The following FBXO24 variants were observed in gnomAD, a reference collection of about 807,000 sequenced individuals.
FBXO24 encodes F-box protein 24, also known as F-box only protein 24.
A neutral mutation model predicts 63.5 loss-of-function variants in FBXO24; 30 were observed. The observed-to-expected ratio is 0.47, with a 90% CI of 0.35 to 0.64. The LOEUF is 0.64. FBXO24 is among the 30% of genes least tolerant of loss of function. The pLI is 0.00. For missense variants in FBXO24, 624 were observed against 763.4 expected, an observed-to-expected ratio of 0.82 and a Z score of 2.15; for synonymous variants, 300 against 305.0, an observed-to-expected ratio of 0.98 and a Z score of 0.17.
chr7:100,586,726 C>T (rs760577909), intron 1 of FBXO24, 62 bp downstream of exon 1: 2 of 1,580,454 alleles, frequency 1.3e-6, no homozygotes, highest in Non-Finnish European at 1.7e-6. Context: ...CGGCCGGGAA[C>T]GCAGTTCGCC....
At chr7:100,593,102 CA>C in intron 5 of FBXO24, 85 bp downstream of exon 5, 2 of 1,145,290 alleles carry the variant, frequency 1.7e-6, no homozygotes, top group Admixed American at 2.0e-5. Context: ...GGAGGCCCCT[CA>C]GACTGGGTTC....
At position 100,600,394 on chromosome 7, in the gene FBXO24, C is replaced by T. The variant is rs1802536175; in HGVS notation, c.1378-140C>T. The T allele has an allele frequency of 2.7e-6, 4 of 1,471,504 alleles. No individual in the cohort carries two copies. In the East Asian group the frequency reaches 6.9e-5, roughly 25 times the overall value. 91.2% of individuals were successfully genotyped at this position (1,471,504 alleles called of 1,614,324 possible). On this transcript the variant is annotated intron_variant, in intron 9 of 9. Coordinates refer to ENST00000241071, the MANE Select transcript of FBXO24 (RefSeq NM_033506.3). This position sits in a 1 kb window ranked among gnomAD's most constrained non-coding sequence, Gnocchi z 6.3. The stretch of plus-strand genomic sequence containing the variant: ...AGCAGACTGTGCTGGCCTTGCCCAA[C>T]CTCACACACCCCTGGGACTTAGCCG...
At chr7:100,599,975 C>T (rs933661699) in intron 8 of FBXO24, 56 bp from the exon 9 acceptor site, 5 of 1,433,748 alleles carry the variant, frequency 3.5e-6, no homozygotes. Context: ...TTTCCCACCC[C>T]AGCCCCCCCG....
At chr7:100,588,120 G>A (rs1801843941) in intron 1 of FBXO24, among the ~76,000 whole-genome samples, 1 of 151,888 alleles carries the variant, frequency 6.6e-6, no homozygotes, top group Admixed American at 6.6e-5. Context: ...CTCAAGCAAT[G>A]CTCCCACCTC....
chr7:100,590,523 C>T (rs529442983), intron 3 of FBXO24, among the ~76,000 whole-genome samples, 166 bp downstream of exon 3: 1 of 152,320 alleles, frequency 6.6e-6, no homozygotes, highest in South Asian at 2.1e-4. Context: ...GTACTTCCTC[C>T]AAGTCTTCGG....
rs1337054270 is a variant in FBXO24 at position 100,600,954 on chromosome 7, A to T, written c.*55A>T. The T allele has an allele frequency of 1.9e-6, 3 of 1,566,030 alleles. No homozygotes were observed. In the South Asian group the frequency reaches 3.6e-5, roughly 19 times the overall value. ...GAGGGAGTCCGGCCCCAGGCCAGGG[A>T]CTAAGGAGCAATGACCATTGTGCAC... On this transcript the variant is annotated 3_prime_UTR_variant, in exon 10 of 10. Coordinates refer to ENST00000241071, the MANE Select transcript of FBXO24 (RefSeq NM_033506.3). The surrounding 1 kb of genome is among the most constrained non-coding windows in gnomAD (Gnocchi z 6.3).
intron 8 of FBXO24, 43 bp downstream of exon 8, chr7:100,595,749 C>T (rs1398790376): frequency 3.9e-6 from 6 of 1,537,366 alleles, no homozygotes; most frequent in South Asian, 3.8e-5. Flanking sequence ...CCCCTTTCCT[C>T]CAATTCCCTA....
At chr7:100,592,288 T>TAG (rs1164447115) in intron 4 of FBXO24, 1 of 247,684 alleles carries the variant, frequency 4.0e-6, no homozygotes, top group African/African-American at 2.3e-5. Flanking sequence ...TGAGACCGGG[T>TAG]AATTTATAAG....
intron 7 of FBXO24, 127 bp from the exon 8 acceptor site, chr7:100,595,448 C>T: frequency 1.5e-6 from 2 of 1,291,402 alleles, no homozygotes; most frequent in Non-Finnish European, 2.1e-6. Context: ...AGTGAGATCC[C>T]ATCTCTAAAA....
In FBXO24 at chr7:100,600,676, G is replaced by C. The variant is rs1802559818; in HGVS notation, c.1520G>C (p.Arg507Thr). 1.2e-6 allele frequency: 2 copies of C among 1,613,988 alleles called. No homozygotes were observed. The highest frequency in any genetic ancestry group is 1.7e-5 in the Admixed American group (1 of 59,992). The change falls in exon 10 of 10, where the codon AGA becomes ACA. Residue 507 changes from arginine (R) to threonine (T), a missense_variant. Around this residue, in one of 3 missense-constraint regions of FBXO24, gnomAD observed 216 missense variants for 245.2 expected, o/e 0.88. Coordinates refer to ENST00000241071, the MANE Select transcript of FBXO24 (RefSeq NM_033506.3). The surrounding 1 kb of genome is among the most constrained non-coding windows in gnomAD (Gnocchi z 6.3). ...ACTCCTGAGCCCAGCCTGGGGGCCA[G>C]AGCACCCCAGGACCCCGGGGGGATG... is the stretch of plus-strand genomic sequence containing the variant. ...VGTPEPSLGA[R>T]APQDPGGMAQ...
At position 100,590,068 on chromosome 7, in the gene FBXO24, C is replaced by A. The variant is rs781206122; in HGVS notation, c.131C>A (p.Pro44Gln). ...CCGATTTCCATCCAGTTGTTCCCCC[C>A]AGAGCTGGTGAGTCCTTGGGGAGGG... is the stretch of plus-strand genomic sequence containing the variant. ...GNPISIQLFP[P>Q]ELVEHIISFL... Residue 44 changes from proline (P) to glutamine (Q), a missense_variant, in exon 2 of 10, where the codon CCA becomes CAA. Around this residue, in one of 3 missense-constraint regions of FBXO24, gnomAD observed 391 missense variants for 469.1 expected, o/e 0.83. Transcript: ENST00000241071. 18 of 1,612,828 alleles carry A rather than the reference C, an allele frequency of 1.1e-5. No individual in the cohort carries two copies. The East Asian group carries it at 4.0e-4, about 36-fold the overall frequency.
At chr7:100,596,369 G>A (rs1394985816) in intron 8 of FBXO24, among the ~76,000 whole-genome samples, 1 of 152,296 alleles carries the variant, frequency 6.6e-6, no homozygotes, top group Non-Finnish European at 1.5e-5. Flanking sequence ...ATGAGGAGGG[G>A]GATAGGCACG....
At chr7:100,592,260 G>A (rs1208364066) in intron 4 of FBXO24, 2 of 238,478 alleles carry the variant, frequency 8.4e-6, no homozygotes, top group Non-Finnish European at 1.7e-5. Context: ...ACTCCGTCTC[G>A]AAAAAAAAAG....
intron 8 of FBXO24, among the ~76,000 whole-genome samples, chr7:100,596,604 G>A (rs541113052): frequency 4.7e-4 from 71 of 152,228 alleles, no homozygotes; most frequent in African/African-American, 1.6e-3. Flanking sequence ...AGGGGAGCCC[G>A]CCAGGAGGCT....
Position 100,586,413 on chromosome 7 carries a change from C to T in FBXO24, c.-213C>T. Reference sequence around the variant, plus strand: ...ACAATGCTCAGATCGGGAGGTGGAGCCAATCAGGTCCAACCAAGAGGAGGG... The same window carrying T: ...ACAATGCTCAGATCGGGAGGTGGAGTCAATCAGGTCCAACCAAGAGGAGGG... On this transcript the variant is annotated 5_prime_UTR_variant, in exon 1 of 10. Coordinates refer to ENST00000241071, the MANE Select transcript of FBXO24 (RefSeq NM_033506.3). 3.1e-6 allele frequency: 2 copies of T among 636,148 alleles called. No individual in the cohort carries two copies. The highest frequency in any genetic ancestry group is 5.5e-5 in the East Asian group (2 of 36,614). The allele number at this position is 636,148 out of a possible 1,614,324, so 39.4% of individuals were successfully genotyped here. A position where few individuals can be genotyped will look rare whatever the true frequency, so the allele number is the denominator to read the frequency against.
chr7:100,597,727 T>C (rs1242322779), intron 8 of FBXO24, among the ~76,000 whole-genome samples: 1 of 151,426 alleles, frequency 6.6e-6, no homozygotes, highest in African/African-American at 2.4e-5. Flanking sequence ...TTTTGAGACA[T>C]GGTCTCCACT....
At chr7:100,591,570 C>A in intron 3 of FBXO24, 97 bp from the exon 4 acceptor site, 1 of 1,134,214 alleles carries the variant, frequency 8.8e-7, no homozygotes, top group Non-Finnish European at 1.3e-6. Flanking sequence ...TGGGGAGGAA[C>A]TACAAACCAG....
chr7:100,599,972 C>T, intron 8 of FBXO24, 59 bp from the exon 9 acceptor site: 3 of 1,368,170 alleles, frequency 2.2e-6, no homozygotes, highest in Non-Finnish European at 3.0e-6. Context: ...CCTTTTCCCA[C>T]CCCAGCCCCC....
chr7:100,592,804 GAC>G lies in FBXO24; in HGVS notation c.584_585del (p.Thr195SerfsTer4). ...CCAGTTTGCCTCGGACCCAAGGTGT[GAC>G]ACAGTTTACCGTAAATACCTCTACG... ...AKDFASDPRC[D>X]TVYRKYLYVL... On this transcript the variant is annotated frameshift_variant, in exon 5 of 10. Transcript: ENST00000241071. LOFTEE classifies it high-confidence loss of function. The G allele has an allele frequency of 6.2e-7, 1 of 1,614,030 alleles. No homozygotes were observed. The highest frequency in any genetic ancestry group is 8.5e-7 in the Non-Finnish European group (1 of 1,180,006).
Sources: gnomAD v4.1 joint callset for allele counts (sites outside exome capture counted in the v4.1 genomes callset) on GRCh38, gnomAD v4.1.1 for gene constraint, gnomAD v4.1.1 regional missense constraint, Gnocchi (gnomAD v3.1) non-coding constraint, MANE v1.5 for transcripts, NCBI Gene and HGNC (gene_info 2026-07-23, HGNC 2026-07-21) for gene names.